Variants in ITGAE observed in about 807,000 individuals in gnomAD.
The protein encoded by ITGAE is integrin alpha-E.
A neutral mutation model predicts 136.5 loss-of-function variants in ITGAE; 99 were observed. The ratio of observed to expected loss-of-function variants is 0.73; its 90% CI spans 0.62 to 0.86. ITGAE has a LOEUF of 0.86. ITGAE is among the 40% of genes least tolerant of loss of function. The pLI is 0.00. For synonymous variants in ITGAE, 613 were observed against 591.8 expected, an observed-to-expected ratio of 1.04 and a Z score of -0.52; for missense variants, 1,447 against 1,515.3, an observed-to-expected ratio of 0.95 and a Z score of 0.75.
chr17:3,773,567 G>A (rs1369295238), intron 2 of ITGAE, among the ~76,000 whole-genome samples: 3 of 151,738 alleles, frequency 2.0e-5, no homozygotes, highest in African/African-American at 4.8e-5. Context: ...AAGTGGGGGT[G>A]AGGGGCAAAG....
chr17:3,784,057 A>C (rs370890241), intron 1 of ITGAE, among the ~76,000 whole-genome samples: 1 of 151,980 alleles, frequency 6.6e-6, no homozygotes, highest in Non-Finnish European at 1.5e-5. Context: ...TCAGGAGATC[A>C]AGACCATCCT....
In ITGAE at chr17:3,719,128, C is replaced by T. The variant is rs1440672926; in HGVS notation, c.3333+1179G>A. On this transcript the variant is annotated intron_variant, in intron 29 of 30. Transcript: ENST00000263087. Reference sequence around the variant, plus strand: ...GTGGGCACCTGTAATCCCAGCTACTCGGGAGGCTGAGGAAGAAGAATCACT... The same window carrying T: ...GTGGGCACCTGTAATCCCAGCTACTTGGGAGGCTGAGGAAGAAGAATCACT... Among the ~76,000 whole-genome samples the T allele has an allele frequency of 2.7e-5, 4 of 149,600 alleles. No individual in the cohort carries two copies. In the South Asian group the frequency reaches 8.5e-4, roughly 32 times the overall value.
At chr17:3,723,654 C>T in intron 27 of ITGAE, 34 bp downstream of exon 27, 3 of 1,547,712 alleles carry the variant, frequency 1.9e-6, no homozygotes, top group Non-Finnish European at 2.6e-6. Flanking sequence ...AGGCCCTCCG[C>T]CCTCCCCTGG....
chr17:3,780,171 GTT>G (rs34188634), intron 1 of ITGAE, among the ~76,000 whole-genome samples: 13 of 120,492 alleles, frequency 1.1e-4, no homozygotes, highest in African/African-American at 1.5e-4. Flanking sequence ...TTGTTTATTT[GTT>G]TTTTTTTTTT....
At position 3,720,404 on chromosome 17, in the gene ITGAE, TAGA is replaced by T. The variant is rs748211476; in HGVS notation, c.3238-5_3238-3del. 1.5e-6 allele frequency: 2 copies of T among 1,374,712 alleles called. No homozygotes were observed. The highest frequency in any genetic ancestry group is 3.4e-5 in the Admixed American group (2 of 59,576). The allele number at this position is 1,374,712 out of a possible 1,614,324, so 85.2% of individuals were successfully genotyped here. ...CAGTTCAGTTACATCTTTTAGTAAC[TAGA>T]AGATGGGGAAAGGAATGAGGGAAAC... On this transcript the variant is annotated splice_region_variant and splice_polypyrimidine_tract_variant and intron_variant, in intron 28 of 30. Transcript: ENST00000263087.
At chr17:3,728,080 C>T (rs1463509548) in intron 25 of ITGAE, 25 bp downstream of exon 25, 69 of 1,606,980 alleles carry the variant, frequency 4.3e-5, no homozygotes, top group Non-Finnish European at 5.8e-5. Context: ...TTGCCATCTA[C>T]AGCTTTACAA....
intron 26 of ITGAE, chr17:3,724,836 C>T (rs781378722): frequency 6.2e-7 from 1 of 1,614,086 alleles, no homozygotes; most frequent in Non-Finnish European, 8.5e-7. Flanking sequence ...GGACTCTTGT[C>T]AAGAGAGAGG....
intron 2 of ITGAE, among the ~76,000 whole-genome samples, chr17:3,769,367 C>A (rs1329979058): frequency 2.0e-5 from 3 of 151,282 alleles, no homozygotes; most frequent in African/African-American, 7.3e-5. Flanking sequence ...CTGGACTGCG[C>A]GTTCCCAGGA....
chr17:3,737,780 C>A (rs1420880622), intron 20 of ITGAE, among the ~76,000 whole-genome samples: 1 of 152,084 alleles, frequency 6.6e-6, no homozygotes, highest in East Asian at 1.9e-4. Context: ...GGATCTATGT[C>A]CTCAGGTCAA....
chr17:3,788,726 A>T (rs575836789), intron 1 of ITGAE, among the ~76,000 whole-genome samples: 124 of 143,376 alleles, frequency 8.6e-4, no homozygotes, highest in African/African-American at 2.5e-3. Flanking sequence ...ATAATTATTT[A>T]AAAATAATAA....
intron 21 of ITGAE, 148 bp downstream of exon 21, chr17:3,734,669 G>T: frequency 1.1e-6 from 1 of 934,588 alleles, no homozygotes; most frequent in Admixed American, 2.3e-5. Flanking sequence ...CGGACTGGCG[G>T]GGATTTATCT....
chr17:3,744,277 C>T (rs995745221), intron 18 of ITGAE, among the ~76,000 whole-genome samples: 1 of 152,074 alleles, frequency 6.6e-6, no homozygotes, highest in Non-Finnish European at 1.5e-5. Flanking sequence ...GCTGAAGGGA[C>T]ACGTCCTTCA....
At chr17:3,764,240 T>C (rs1220117091) in intron 2 of ITGAE, among the ~76,000 whole-genome samples, 1 of 152,104 alleles carries the variant, frequency 6.6e-6, no homozygotes, top group African/African-American at 2.4e-5. Context: ...TCTGCTCTCT[T>C]ATGGGGACAG....
chr17:3,725,587 A>T, intron 26 of ITGAE: 1 of 1,614,188 alleles, frequency 6.2e-7, no homozygotes, highest in Non-Finnish European at 8.5e-7. Context: ...GAAGTGTGCA[A>T]CCGCACAGAA....
In ITGAE at chr17:3,747,924, G is replaced by A; in HGVS notation, c.2153C>T (p.Ser718Leu). 6.2e-7 allele frequency: 1 copy of A among 1,602,000 alleles called. No homozygotes were observed. The highest frequency in any genetic ancestry group is 1.1e-5 in the South Asian group (1 of 90,818). Residue 718 changes from serine (S) to leucine (L), a missense_variant and splice_region_variant, in exon 17 of 31, where the codon TCA (serine) becomes TTA (leucine). Transcript: ENST00000263087. ...GGTCAGCTGGACCATTTTTTTACCT[G>A]ACTCAGAGGCTGTGGTTACAGAGCT... is the stretch of plus-strand genomic sequence containing the variant. ...EISSVTTASESGLREALLNFT... is the reference protein window; with the variant it reads ...EISSVTTASELGLREALLNFT...
intron 21 of ITGAE, among the ~76,000 whole-genome samples, chr17:3,732,684 G>A (rs908983276): frequency 4.6e-5 from 7 of 152,216 alleles, no homozygotes; most frequent in African/African-American, 1.2e-4. Flanking sequence ...ATACAAGGTC[G>A]AAGGGGTGCT....
chr17:3,771,245 C>G (rs11649973), intron 2 of ITGAE, among the ~76,000 whole-genome samples: 18,274 of 152,130 alleles, frequency 0.12, 1,266 homozygotes, highest in East Asian at 0.18. Flanking sequence ...TGGGGCAACA[C>G]GATGGATGAA....
Position 3,794,930 on chromosome 17 carries a change from C to T in ITGAE, c.34+6181G>A, listed in dbSNP as rs188137593. Reference sequence around the variant, plus strand: ...CCTCTCCTGGGCGTCCGTGGCACCCCCCCGCTCTGCCCGGCGCACCCTCTG... The same window carrying T: ...CCTCTCCTGGGCGTCCGTGGCACCCTCCCGCTCTGCCCGGCGCACCCTCTG... On this transcript the variant is annotated intron_variant, in intron 1 of 30. Coordinates refer to ENST00000263087, the MANE Select transcript of ITGAE (RefSeq NM_002208.5). Among the ~76,000 whole-genome samples the T allele has an allele frequency of 3.7e-3, 562 of 152,274 alleles. 5 individuals carry two copies. Among genetic ancestry groups the T allele is most frequent in the African/African-American group, 0.013 (523 of 41,550 alleles).
In ITGAE at chr17:3,761,014, A is replaced by G; in HGVS notation, c.597T>C (p.Ala199=). ...EEEEDEEEEE[A]GTEIAIILDG... is the part of the protein sequence containing the mutation. The stretch of plus-strand genomic sequence containing the variant: ...CAACCCAGATCTGCCTCTTCTCACC[A>G]GCTTCCTCCTCCTCCTCGTCTTCCT... The change falls in exon 6 of 31, where the codon GCT becomes GCC. Residue 199 remains alanine (A), a splice_region_variant and synonymous_variant. Transcript: ENST00000263087. The G allele has an allele frequency of 6.3e-7, 1 of 1,598,990 alleles. No individual in the cohort carries two copies. Among genetic ancestry groups the G allele is most frequent in the African/African-American group, 1.3e-5 (1 of 74,872 alleles).
Sources: allele counts gnomAD v4.1 joint callset (sites outside exome capture counted in the v4.1 genomes callset), GRCh38; gene constraint gnomAD v4.1.1; transcripts MANE v1.5; gene names NCBI Gene and HGNC (gene_info 2026-07-23, HGNC 2026-07-21).